The following RBFOX1 variants were observed in gnomAD, a reference collection of about 807,000 sequenced individuals.
The protein encoded by RBFOX1 is RNA binding fox-1 homolog 1.
In RBFOX1, 8 loss-of-function variants were observed where a neutral mutation model predicts 57.7. That is an observed-to-expected ratio of 0.14 (90% confidence interval 0.08 to 0.25). The LOEUF (loss-of-function observed/expected upper bound fraction) is 0.25. Ranked by LOEUF, RBFOX1 falls within the 10% of genes least tolerant of loss-of-function variation. The pLI is 1.00. For synonymous variants in RBFOX1, 326 were observed against 222.4 expected (o/e 1.47, Z -4.15); for missense variants, 611 against 548.5 (o/e 1.11, Z -1.14).
At chr16:6,930,647 T>C (rs1474998802) in intron 3 of RBFOX1, among the ~76,000 whole-genome samples, 2 of 152,144 alleles carry the variant, frequency 1.3e-5, no homozygotes, top group African/African-American at 2.4e-5. Context: ...TCACCTTAGG[T>C]GATCCGCCTG....
At chr16:5,781,077 C>G (rs1475074750) in intron 3 of RBFOX1, among the ~76,000 whole-genome samples, 1 of 152,168 alleles carries the variant, frequency 6.6e-6, no homozygotes, top group African/African-American at 2.4e-5. Flanking sequence ...CTTTTAAAAA[C>G]CATTCTCCTT....
At chr16:6,121,684 G>A (rs141592337) in intron 1 of RBFOX1, among the ~76,000 whole-genome samples, 2,915 of 152,180 alleles carry the variant, frequency 0.019, 45 homozygotes, top group Non-Finnish European at 0.033. Context: ...TTAACAGGTG[G>A]GGAGCTCTTA....
chr16:7,192,791 A>C (rs2085745748), intron 4 of RBFOX1, among the ~76,000 whole-genome samples: 2 of 152,226 alleles, frequency 1.3e-5, no homozygotes, highest in South Asian at 2.1e-4. Context: ...AAGCATTTCA[A>C]AATAAATACA....
chr16:7,437,068 G>A (rs1193005673), intron 4 of RBFOX1, among the ~76,000 whole-genome samples: 2 of 152,252 alleles, frequency 1.3e-5, no homozygotes, highest in Admixed American at 6.5e-5. Flanking sequence ...GTGACAGAGC[G>A]AGACTCTGTC....
rs1194663760 is a variant in RBFOX1 at position 6,927,414 on chromosome 16, C to CAAAAAAAAA, written c.-15-124626_-15-124618dup. 7.8e-3 allele frequency among the ~76,000 whole-genome samples: 413 copies of CAAAAAAAAA among 53,102 alleles called. 48 individuals are homozygous for CAAAAAAAAA. The highest frequency in any genetic ancestry group is 9.5e-3 in the Non-Finnish European group (325 of 34,310). 34.8% of individuals were successfully genotyped at this position (53,102 alleles called of 152,430 possible). ...GGCAACAGAGTGAGACGCTTTCTCA[C>CAAAAAAAAA]AAAAAAAAAAAAAAAAAAAAAAAAA... On this transcript the variant is annotated intron_variant, in intron 3 of 15. Transcript: ENST00000550418.
intron 1 of RBFOX1, among the ~76,000 whole-genome samples, chr16:5,397,132 G>C (rs921299225): frequency 6.6e-6 from 1 of 152,230 alleles, no homozygotes; most frequent in Non-Finnish European, 1.5e-5. Context: ...GCAGAAGCAA[G>C]AGCAAAGTGA....
intron 3 of RBFOX1, among the ~76,000 whole-genome samples, chr16:7,037,879 G>A (rs1444024479): frequency 2.6e-5 from 4 of 152,146 alleles, no homozygotes; most frequent in Non-Finnish European, 5.9e-5. Flanking sequence ...TAAGGCCATG[G>A]CCTGTGTGTC....
intron 3 of RBFOX1, among the ~76,000 whole-genome samples, chr16:6,973,003 C>T (rs1373966182): frequency 1.2e-4 from 19 of 152,056 alleles, no homozygotes; most frequent in Admixed American, 1.2e-3. Context: ...CGGTGGTAGG[C>T]ACCTGTAATC....
intron 4 of RBFOX1, among the ~76,000 whole-genome samples, chr16:7,420,275 G>C (rs2098527841): frequency 6.6e-6 from 1 of 152,078 alleles, no homozygotes; most frequent in Non-Finnish European, 1.5e-5. Context: ...TAGATTTTAA[G>C]GAAGCTAAGC....
intron 3 of RBFOX1, among the ~76,000 whole-genome samples, chr16:6,991,735 C>T (rs147252982): frequency 5.5e-4 from 83 of 152,250 alleles, no homozygotes; most frequent in African/African-American, 1.9e-3. Context: ...TGGGGTTTCA[C>T]CATGTTGCCC....
In RBFOX1 at chr16:6,233,528, G is replaced by A. The variant is rs147984588; in HGVS notation, c.-126-83467G>A. Among the ~76,000 whole-genome samples the A allele has an allele frequency of 5.3e-3, 807 of 152,230 alleles. 11 individuals carry two copies. Among genetic ancestry groups the A allele is most frequent in the Non-Finnish European group, 6.7e-3 (454 of 68,028 alleles). ...CAGGAAGGAGACAAAAATCCTTCGT[G>A]TGGGTGGAGGCAAGGTCTTGCAAGA... On this transcript the variant is annotated intron_variant, in intron 1 of 15. Coordinates refer to ENST00000550418, the MANE Select transcript of RBFOX1 (RefSeq NM_018723.4).
At chr16:5,535,594 C>A (rs1307718593) in intron 2 of RBFOX1, among the ~76,000 whole-genome samples, 1 of 152,188 alleles carries the variant, frequency 6.6e-6, no homozygotes, top group African/African-American at 2.4e-5. Context: ...ACAGCTCTCC[C>A]CACTGGGTCA....
At chr16:5,516,537 A>G (rs567473826) in intron 2 of RBFOX1, among the ~76,000 whole-genome samples, 1 of 152,358 alleles carries the variant, frequency 6.6e-6, no homozygotes, top group African/African-American at 2.4e-5. Context: ...AACTATGATT[A>G]TGTACATGAA....
intron 4 of RBFOX1, among the ~76,000 whole-genome samples, chr16:7,485,891 T>C (rs895139016): frequency 1.3e-5 from 2 of 152,166 alleles, no homozygotes; most frequent in African/African-American, 4.8e-5. Context: ...AATAAAGTTT[T>C]ATTGGCACAT....
chr16:5,288,637 T>C (rs28429219), intron 1 of RBFOX1, among the ~76,000 whole-genome samples: 1 of 146,988 alleles, frequency 6.8e-6, no homozygotes, highest in Non-Finnish European at 1.5e-5. Context: ...CTTTTCTTTT[T>C]TTTTTTAACT....
rs562292803 is a variant in RBFOX1 at position 7,262,412 on chromosome 16, C to A, written c.27+210314C>A. 7.2e-5 allele frequency among the ~76,000 whole-genome samples: 11 copies of A among 152,204 alleles called. No individual in the cohort carries two copies. In the South Asian group the frequency reaches 2.3e-3, roughly 32 times the overall value. On this transcript the variant is annotated intron_variant, in intron 4 of 15. Transcript: ENST00000550418. The stretch of plus-strand genomic sequence containing the variant: ...GGTGTACCATTTCTGGAAAATACGG[C>A]ACTGAAAAATTGCAATAAGTGAAAG...
At chr16:7,585,887 C>G (rs959505388) in intron 6 of RBFOX1, among the ~76,000 whole-genome samples, 1 of 152,094 alleles carries the variant, frequency 6.6e-6, no homozygotes, top group Non-Finnish European at 1.5e-5. Context: ...CTTGTGTGGT[C>G]TTTTTGTTTG....
chr16:6,734,452 G>C (rs1429185841), intron 3 of RBFOX1, among the ~76,000 whole-genome samples: 2 of 152,190 alleles, frequency 1.3e-5, no homozygotes, highest in Non-Finnish European at 2.9e-5. Context: ...TAATCCTCAT[G>C]ATAAAGGTCA....
chr16:7,653,957 G>T lies in RBFOX1; in HGVS notation c.890+10G>T. On this transcript the variant is annotated intron_variant, in intron 12 of 15. Transcript: ENST00000550418. ...TCCCGGCCTACGGCGGGTAAGTGGG[G>T]CAGCCTCCTGGGTGGGCCTCCCTGC... 2 of 1,497,390 alleles carry T rather than the reference G, an allele frequency of 1.3e-6. No homozygotes were observed. Among genetic ancestry groups the T allele is most frequent in the Non-Finnish European group, 1.8e-6 (2 of 1,130,416 alleles). 92.8% of individuals were successfully genotyped at this position (1,497,390 alleles called of 1,614,324 possible).
Sources: allele counts gnomAD v4.1 joint callset (sites outside exome capture counted in the v4.1 genomes callset), GRCh38; gene constraint gnomAD v4.1.1; transcripts MANE v1.5; gene names NCBI Gene and HGNC (gene_info 2026-07-23, HGNC 2026-07-21).